MATR3: variants seen among roughly 807,000 people sequenced by gnomAD.
MATR3 encodes the protein matrin 3.
MATR3 carries 4 observed loss-of-function variants against 85.5 expected under a neutral mutation model. The ratio of observed to expected loss-of-function variants is 0.05; its 90% CI spans 0.02 to 0.11. The LOEUF is 0.11. MATR3 is among the 10% of genes least tolerant of loss of function. MATR3 has a pLI of 1.00. For synonymous variants in MATR3, 336 were observed against 343.1 expected, an observed-to-expected ratio of 0.98 and a Z score of 0.23; for missense variants, 685 against 1,016.1, an observed-to-expected ratio of 0.67 and a Z score of 4.43.
At position 139,323,356 on chromosome 5, in the gene MATR3, C is replaced by G. The variant is rs947361988; in HGVS notation, c.2148+389C>G. Among the ~76,000 whole-genome samples the G allele has an allele frequency of 1.1e-4, 17 of 152,106 alleles. No individual in the cohort carries two copies. In the South Asian group the frequency reaches 2.7e-3, roughly 24 times the overall value. On this transcript the variant is annotated intron_variant, in intron 12 of 14. Coordinates refer to ENST00000394805, the MANE Select transcript of MATR3 (RefSeq NM_018834.6). ...CCCAACATAGTTAAAACTTTTGCCA[C>G]TCATTCAAAAATTATTGAATAATTT...
intron 9 of MATR3, among the ~76,000 whole-genome samples, chr5:139,319,895 T>A (rs1755460030): frequency 7.7e-6 from 1 of 130,488 alleles, no homozygotes; most frequent in Non-Finnish European, 1.6e-5. Flanking sequence ...TTTTAAAGTA[T>A]ATCCCTATTT....
chr5:139,319,837 C>A (rs1169185425), intron 9 of MATR3, among the ~76,000 whole-genome samples: 1 of 142,190 alleles, frequency 7.0e-6, no homozygotes. Context: ...GAGCGAGACT[C>A]CCAACTCAAA....
Position 139,278,556 on chromosome 5 carries a change from C to T in MATR3, c.-256-495C>T, listed in dbSNP as rs1753386314. 3 of 360,466 alleles carry T rather than the reference C, an allele frequency of 8.3e-6. No homozygotes were observed. In the Admixed American group the frequency reaches 1.0e-4, roughly 12 times the overall value. The allele number at this position is 360,466 out of a possible 1,614,324, so 22.3% of individuals were successfully genotyped here. On this transcript the variant is annotated intron_variant, in intron 2 of 16. Transcript: ENST00000509990. ...AAAGGACAATATATCTTGTTTTATT[C>T]ACTGCTAGATCCCAATCGCAGTGCT...
In MATR3 at chr5:139,322,506, G is replaced by T; in HGVS notation, c.1778G>T (p.Arg593Leu). 1.3e-6 allele frequency: 2 copies of T among 1,584,496 alleles called. No individual in the cohort carries two copies. The highest frequency in any genetic ancestry group is 1.1e-5 in the South Asian group (1 of 89,652). The change falls in exon 11 of 15, where the codon CGA becomes CTA. Residue 593 changes from arginine (R) to leucine (L), a missense_variant and splice_region_variant. Transcript: ENST00000394805. ...GATTTACTGAAAAAAGATAAATCCC[G>T]GTAATTTCATTTTGTTTTTCATATG... Reference protein sequence around the residue: ...GIDLLKKDKSRKRSYSPDGKE... With the variant: ...GIDLLKKDKSLKRSYSPDGKE...
At chr5:139,321,701 T>A in intron 9 of MATR3, 197 bp from the exon 10 acceptor site, 4 of 592,292 alleles carry the variant, frequency 6.8e-6, no homozygotes, top group Admixed American at 3.0e-5. Context: ...GAGGATCAGT[T>A]GGGCCCAGTA....
intron 3 of MATR3, among the ~76,000 whole-genome samples, chr5:139,288,166 A>G (rs907724072): frequency 6.6e-6 from 1 of 152,200 alleles, no homozygotes; most frequent in South Asian, 2.1e-4. Context: ...GTGAGCCAAG[A>G]TGGCACTAGT....
At chr5:139,274,946 G>C (rs1472292623) in intron 1 of MATR3, among the ~76,000 whole-genome samples, 1 of 151,574 alleles carries the variant, frequency 6.6e-6, no homozygotes, top group Non-Finnish European at 1.5e-5. Flanking sequence ...GACTGTGTAG[G>C]AATATTTATT....
chr5:139,315,048 A>G, intron 3 of MATR3: 1 of 274,556 alleles, frequency 3.6e-6, no homozygotes, highest in East Asian at 8.0e-5. Flanking sequence ...AAACAGTAGC[A>G]TTTTTAATAA....
intron 1 of MATR3, among the ~76,000 whole-genome samples, chr5:139,296,290 T>C (rs1265325477): frequency 6.6e-6 from 1 of 152,176 alleles, no homozygotes; most frequent in Non-Finnish European, 1.5e-5. Flanking sequence ...GTGAAGAGTA[T>C]GATGGGAAAA....
At chr5:139,278,817 CTG>C in intron 2 of MATR3, 3 of 516,422 alleles carry the variant, frequency 5.8e-6, no homozygotes, top group South Asian at 4.2e-5. Context: ...CATGTGGTGC[CTG>C]TGATGGTGTT....
chr5:139,307,343 G>A lies in MATR3; in HGVS notation c.-73G>A. On this transcript the variant is annotated 5_prime_UTR_variant, in exon 2 of 15. Transcript: ENST00000394805. This position sits in a 1 kb window ranked among gnomAD's most constrained non-coding sequence, Gnocchi z 4.4. ...CAAAGTTAACCTAGCTTTCTAGTTT[G>A]AGCTTTCTTTTTGGCCGTCTTTAAA... is the stretch of plus-strand genomic sequence containing the variant. The A allele has an allele frequency of 2.6e-6, 4 of 1,555,044 alleles. No individual in the cohort carries two copies. Among genetic ancestry groups the A allele is most frequent in the Non-Finnish European group, 3.4e-6 (4 of 1,159,854 alleles).
intron 1 of MATR3, among the ~76,000 whole-genome samples, chr5:139,304,922 A>G (rs897989254): frequency 1.3e-5 from 2 of 152,208 alleles, no homozygotes; most frequent in African/African-American, 2.4e-5. Flanking sequence ...CATTGACATG[A>G]TAGAGGAACT....
chr5:139,296,239 G>C (rs1300917521), intron 1 of MATR3, among the ~76,000 whole-genome samples: 1 of 152,142 alleles, frequency 6.6e-6, no homozygotes, highest in Non-Finnish European at 1.5e-5. Context: ...ATTCTGTTGT[G>C]AAAGTGGAAA....
At chr5:139,295,247 G>A (rs543310782) in intron 1 of MATR3, among the ~76,000 whole-genome samples, 2 of 152,244 alleles carry the variant, frequency 1.3e-5, no homozygotes, top group South Asian at 4.1e-4. Context: ...TAAAAATCAA[G>A]AAAGGCTTGA....
Position 139,307,814 on chromosome 5 carries a change from T to C in MATR3, c.399T>C (p.Ile133=), listed in dbSNP as rs1179150563. 6.2e-7 allele frequency: 1 copy of C among 1,614,108 alleles called. No homozygotes were observed. The highest frequency in any genetic ancestry group is 1.3e-5 in the African/African-American group (1 of 75,042). Residue 133 remains isoleucine (I), a synonymous_variant, in exon 2 of 15, where the codon ATT becomes ATC. Transcript: ENST00000394805. The surrounding 1 kb of genome is among the most constrained non-coding windows in gnomAD (Gnocchi z 4.4). Reference sequence around the variant, plus strand: ...TGAGTCGTTATCCAGAGGACAAGATTACTCCTGAGAATTTGCCCCAAATCC... The same window carrying C: ...TGAGTCGTTATCCAGAGGACAAGATCACTCCTGAGAATTTGCCCCAAATCC... The part of the protein sequence containing the change: ...DELSRYPEDK[I]TPENLPQILL...
intron 3 of MATR3, among the ~76,000 whole-genome samples, chr5:139,281,356 GT>G (rs1371325133): frequency 8.6e-4 from 87 of 101,056 alleles, no homozygotes; most frequent in Middle Eastern, 7.0e-3. Context: ...TTTTTTTTTT[GT>G]TTTTTTTTTT....
chr5:139,293,903 G>C, intron 1 of MATR3, 98 bp downstream of exon 1: 8 of 1,083,152 alleles, frequency 7.4e-6, no homozygotes, highest in Non-Finnish European at 9.4e-6. Flanking sequence ...GCGGGGAGCC[G>C]GCGGCGCGCC....
chr5:139,293,773 G>GT lies in MATR3; in HGVS notation c.-209dup. ...CCGCGTCCCGCTCGCTGGGAGAGAG[G>GT]TACCTCTCCTTTTCCCTCTCCCTTT... is the stretch of plus-strand genomic sequence containing the variant. On this transcript the variant is annotated 5_prime_UTR_variant, in exon 1 of 15. Transcript: ENST00000394805. 2.5e-6 allele frequency: 1 copy of GT among 393,162 alleles called. No individual in the cohort carries two copies. The highest frequency in any genetic ancestry group is 3.6e-5 in the East Asian group (1 of 27,684). The allele number at this position is 393,162 out of a possible 1,614,324, so 24.4% of individuals were successfully genotyped here. A position where few individuals can be genotyped will look rare whatever the true frequency, so the allele number is the denominator to read the frequency against.
chr5:139,320,963 C>T (rs1755535453), intron 9 of MATR3, among the ~76,000 whole-genome samples: 1 of 149,302 alleles, frequency 6.7e-6, no homozygotes, highest in Non-Finnish European at 1.5e-5. Context: ...GTTTCACCAT[C>T]CACAGGATGG....
Sources: gnomAD v4.1 joint callset for allele counts (sites outside exome capture counted in the v4.1 genomes callset) on GRCh38, gnomAD v4.1.1 for gene constraint, Gnocchi (gnomAD v3.1) non-coding constraint, MANE v1.5 for transcripts, NCBI Gene and HGNC (gene_info 2026-07-23, HGNC 2026-07-21) for gene names.